Variants in CPNE4 observed in about 807,000 individuals in gnomAD.
The protein encoded by CPNE4 is copine 4.
A neutral mutation model predicts 67.9 loss-of-function variants in CPNE4; 25 were observed. The observed-to-expected ratio is 0.37, with a 90% CI of 0.27 to 0.51. The LOEUF (loss-of-function observed/expected upper bound fraction) is 0.51. Ranked by LOEUF, CPNE4 falls within the 20% of genes least tolerant of loss-of-function variation. The probability of loss-of-function intolerance (pLI) is 0.93; values close to 1 mark genes in which losing one functional copy is unlikely to be tolerated. For missense variants in CPNE4, 464 were observed against 690.8 expected, an observed-to-expected ratio of 0.67 and a Z score of 3.68; for synonymous variants, 242 against 244.9, an observed-to-expected ratio of 0.99 and a Z score of 0.11.
intron 7 of CPNE4, among the ~76,000 whole-genome samples, chr3:131,643,413 G>C (rs778922658): frequency 1.9e-4 from 29 of 152,298 alleles, no homozygotes; most frequent in Non-Finnish European, 4.0e-4. Flanking sequence ...TTTGGATTGG[G>C]TGTATTTACC....
chr3:131,789,758 CCT>C (rs2083666693), intron 2 of CPNE4, among the ~76,000 whole-genome samples: 1 of 151,996 alleles, frequency 6.6e-6, no homozygotes, highest in South Asian at 2.1e-4. Flanking sequence ...GAATATATAA[CCT>C]CTGTTTTTAA....
At chr3:131,760,567 C>A (rs2082860577) in intron 2 of CPNE4, among the ~76,000 whole-genome samples, 1 of 152,126 alleles carries the variant, frequency 6.6e-6, no homozygotes, top group East Asian at 1.9e-4. Context: ...AGCAGAAAGC[C>A]TAGACTTTTC....
chr3:131,875,538 G>A (rs1263289740), intron 2 of CPNE4, among the ~76,000 whole-genome samples: 6 of 152,092 alleles, frequency 3.9e-5, no homozygotes, highest in Non-Finnish European at 7.4e-5. Context: ...GTAGGGACAT[G>A]GATGAAGCTG....
chr3:131,741,524 A>G (rs1185527383), intron 2 of CPNE4, among the ~76,000 whole-genome samples: 1 of 152,182 alleles, frequency 6.6e-6, no homozygotes, highest in Non-Finnish European at 1.5e-5. Flanking sequence ...GGTTGGGGGC[A>G]AGGTATTTCA....
chr3:131,536,666 G>A (rs1935163782), intron 15 of CPNE4, among the ~76,000 whole-genome samples: 1 of 152,196 alleles, frequency 6.6e-6, no homozygotes, highest in African/African-American at 2.4e-5. Context: ...TATCTTTTAA[G>A]CAATCTGAAA....
At chr3:131,766,898 G>A (rs2083031365) in intron 2 of CPNE4, among the ~76,000 whole-genome samples, 1 of 152,016 alleles carries the variant, frequency 6.6e-6, no homozygotes, top group Non-Finnish European at 1.5e-5. Context: ...TAATAAATCA[G>A]TGATGCTCAT....
chr3:132,027,790 G>A (rs1448965512), intron 1 of CPNE4, among the ~76,000 whole-genome samples: 4 of 151,294 alleles, frequency 2.6e-5, no homozygotes. Flanking sequence ...TGCAATGCTA[G>A]TGGCTACTAA....
At chr3:131,892,994 T>C (rs575348396) in intron 2 of CPNE4, among the ~76,000 whole-genome samples, 30 of 152,160 alleles carry the variant, frequency 2.0e-4, no homozygotes, top group African/African-American at 6.7e-4. Context: ...CAACCTTGAA[T>C]ATAAATAGAT....
chr3:132,024,577 T>C (rs1280786500), intron 1 of CPNE4, among the ~76,000 whole-genome samples: 2 of 152,220 alleles, frequency 1.3e-5, no homozygotes, highest in African/African-American at 2.4e-5. Flanking sequence ...ATTTTTTATA[T>C]ATCAGGCTAA....
At chr3:131,862,861 C>T (rs34363624) in intron 2 of CPNE4, among the ~76,000 whole-genome samples, 35,218 of 151,154 alleles carry the variant, frequency 0.23, 4,738 homozygotes, top group Middle Eastern at 0.33. Context: ...CTCCCCCATC[C>T]CCCCACCCCA....
At chr3:131,775,288 AC>A (rs2083265719) in intron 2 of CPNE4, among the ~76,000 whole-genome samples, 1 of 152,138 alleles carries the variant, frequency 6.6e-6, no homozygotes, top group Admixed American at 6.6e-5. Flanking sequence ...ATTCTTTAAA[AC>A]TTTTGACTTT....
chr3:131,638,674 A>C (rs536349459), intron 7 of CPNE4, among the ~76,000 whole-genome samples: 59 of 152,266 alleles, frequency 3.9e-4, no homozygotes, highest in African/African-American at 1.4e-3. Context: ...AGTGTACTTA[A>C]CAGATATTTA....
chr3:132,007,650 A>T (rs2073645243), intron 1 of CPNE4, among the ~76,000 whole-genome samples: 2 of 151,650 alleles, frequency 1.3e-5, no homozygotes, highest in Admixed American at 6.6e-5. Context: ...TCAACAGTTC[A>T]TTCATTAAAA....
chr3:131,784,134 G>A (rs1381706121), intron 2 of CPNE4, among the ~76,000 whole-genome samples: 1 of 152,068 alleles, frequency 6.6e-6, no homozygotes, highest in Non-Finnish European at 1.5e-5. Context: ...GGGTTGGAAT[G>A]TTCCTAAAAG....
At chr3:131,835,162 T>C (rs1048878742) in intron 2 of CPNE4, among the ~76,000 whole-genome samples, 2 of 152,174 alleles carry the variant, frequency 1.3e-5, no homozygotes, top group Non-Finnish European at 2.9e-5. Context: ...TCCCTATATA[T>C]TTTTGTCTCA....
intron 2 of CPNE4, among the ~76,000 whole-genome samples, chr3:131,774,177 G>A (rs887445704): frequency 1.3e-5 from 2 of 152,110 alleles, no homozygotes; most frequent in African/African-American, 4.8e-5. Context: ...AGAAGCTGGG[G>A]ACCTACCCAG....
chr3:131,591,594 G>T (rs965092946), intron 7 of CPNE4, among the ~76,000 whole-genome samples: 2 of 152,208 alleles, frequency 1.3e-5, no homozygotes, highest in African/African-American at 4.8e-5. Flanking sequence ...AGGCTTGGCA[G>T]AACTCCATCA....
intron 14 of CPNE4, among the ~76,000 whole-genome samples, chr3:131,544,118 T>C (rs1302632386): frequency 1.3e-5 from 2 of 152,180 alleles, no homozygotes; most frequent in African/African-American, 4.8e-5. Flanking sequence ...GAGAAGCAGA[T>C]TAGTCAGATG....
chr3:131,720,441 C>T (rs2061870), intron 3 of CPNE4, among the ~76,000 whole-genome samples: 51,419 of 151,674 alleles, frequency 0.34, 9,109 homozygotes, highest in Non-Finnish European at 0.4. Flanking sequence ...TGCACCACCA[C>T]GCCCAGCTAA....
Sources: gnomAD v4.1 joint callset for allele counts (sites outside exome capture counted in the v4.1 genomes callset) on GRCh38, gnomAD v4.1.1 for gene constraint, MANE v1.5 for transcripts, NCBI Gene and HGNC (gene_info 2026-07-23, HGNC 2026-07-21) for gene names.